PCDHA8: variants seen among roughly 807,000 people sequenced by gnomAD.
PCDHA8 encodes protocadherin alpha-8.
Under a neutral mutation model 61.8 loss-of-function variants are expected in PCDHA8, and 53 were observed. The ratio of observed to expected loss-of-function variants is 0.86; its 90% CI spans 0.69 to 1.08. The LOEUF is 1.08. PCDHA8 is among the 50% of genes least tolerant of loss of function. PCDHA8 has a pLI of 0.00. For synonymous variants in PCDHA8, 618 were observed against 556.6 expected (o/e 1.11, Z -1.55); for missense variants, 1,293 against 1,245.0 (o/e 1.04, Z -0.58).
rs2150233090 is a variant in PCDHA8 at position 140,847,186 on chromosome 5, T to C, written c.2394+3471T>C. On this transcript the variant is annotated intron_variant, in intron 1 of 3. Transcript: ENST00000531613. ...TAATAAACTAAAGGGCCATGAGTGA[T>C]TAAGGAATTTGGCCACTCTTTAGAA... Among the ~76,000 whole-genome samples, 2 of 149,618 alleles carry C rather than the reference T, an allele frequency of 1.3e-5. 1 individual carries two copies. Among genetic ancestry groups the C allele is most frequent in the African/African-American group, 4.9e-5 (2 of 40,934 alleles).
Position 140,841,579 on chromosome 5 carries a change from G to T in PCDHA8, c.258G>T (p.Val86=). 6.2e-7 allele frequency: 1 copy of T among 1,614,044 alleles called. No homozygotes were observed. Among genetic ancestry groups the T allele is most frequent in the South Asian group, 1.1e-5 (1 of 91,070 alleles). ...EVSLQNGILF[V]NSRIDREELC... ...GTCTGCAGAATGGCATTTTGTTTGTGAATTCTCGGATCGACCGCGAGGAGC... is the reference window on the plus strand; with the variant it reads ...GTCTGCAGAATGGCATTTTGTTTGTTAATTCTCGGATCGACCGCGAGGAGC... Residue 86 remains valine (V), a synonymous_variant, in exon 1 of 4, where the codon GTG becomes GTT. Coordinates refer to ENST00000531613, the MANE Select transcript of PCDHA8 (RefSeq NM_018911.3).
In PCDHA8 at chr5:140,841,564, T is replaced by C. The variant is rs2150318261; in HGVS notation, c.243T>C (p.Asn81=). ...HRDLLEVSLQ[N]GILFVNSRID... is the part of the protein sequence containing the mutation. ...ACCTTCTGGAGGTAAGTCTGCAGAA[T>C]GGCATTTTGTTTGTGAATTCTCGGA... Residue 81 remains asparagine (N), a synonymous_variant, in exon 1 of 4, where the codon AAT becomes AAC. Transcript: ENST00000531613. The C allele has an allele frequency of 1.2e-6, 2 of 1,613,882 alleles. No individual in the cohort carries two copies. The highest frequency in any genetic ancestry group is 1.1e-5 in the South Asian group (1 of 91,062).
chr5:140,859,473 G>T (rs1486992699), intron 1 of PCDHA8: 1 of 209,794 alleles, frequency 4.8e-6, no homozygotes, highest in Non-Finnish European at 9.3e-6. Context: ...ACTATCAATT[G>T]TGTTTTCCTG....
chr5:141,000,616 C>A (rs1227863226), intron 3 of PCDHA8, among the ~76,000 whole-genome samples: 1 of 150,774 alleles, frequency 6.6e-6, no homozygotes, highest in African/African-American at 2.4e-5. Context: ...TTAGTAGAGA[C>A]AGGGTTTCAC....
At chr5:140,869,140 C>A in intron 1 of PCDHA8, 8 of 1,613,188 alleles carry the variant, frequency 5.0e-6, no homozygotes, top group African/African-American at 1.3e-5. Context: ...GGGCACCCCA[C>A]GACTACAGCT....
At chr5:140,932,946 G>A (rs1554209125) in intron 1 of PCDHA8, among the ~76,000 whole-genome samples, 1 of 151,982 alleles carries the variant, frequency 6.6e-6, no homozygotes, top group East Asian at 1.9e-4. Flanking sequence ...TGGAATGAAG[G>A]TGGACTAAAT....
chr5:140,911,792 T>C (rs1429471693), intron 1 of PCDHA8, among the ~76,000 whole-genome samples: 1 of 152,190 alleles, frequency 6.6e-6, no homozygotes, highest in Non-Finnish European at 1.5e-5. Context: ...TTTTTGGGTC[T>C]AATCATATTA....
chr5:140,859,512 T>A, intron 1 of PCDHA8: 1 of 196,766 alleles, frequency 5.1e-6, no homozygotes, highest in South Asian at 1.4e-4. Context: ...TACCCATGAT[T>A]TCATTTTTAA....
At chr5:140,858,550 C>G (rs1554151768) in intron 1 of PCDHA8, 1 of 1,392,416 alleles carries the variant, frequency 7.2e-7, no homozygotes, top group Non-Finnish European at 9.9e-7. Context: ...TCCATTTATG[C>G]TTGAATATTT....
chr5:140,925,836 C>G (rs2082758211), intron 1 of PCDHA8, among the ~76,000 whole-genome samples: 1 of 152,104 alleles, frequency 6.6e-6, no homozygotes, highest in African/African-American at 2.4e-5. Context: ...GACGGGTCGT[C>G]AAGTCTTTGA....
At chr5:140,883,675 G>T (rs782140381) in intron 1 of PCDHA8, 5 of 1,613,894 alleles carry the variant, frequency 3.1e-6, no homozygotes, top group Non-Finnish European at 4.2e-6. Context: ...AAAACAATCC[G>T]CCGGGCTGCC....
chr5:140,960,253 G>A (rs1554224599), intron 1 of PCDHA8, among the ~76,000 whole-genome samples: 1 of 152,178 alleles, frequency 6.6e-6, no homozygotes, highest in African/African-American at 2.4e-5. Context: ...GCTTCCTGGA[G>A]CTTCTGATAA....
chr5:140,869,748 A>G, intron 1 of PCDHA8: 1 of 1,613,334 alleles, frequency 6.2e-7, no homozygotes, highest in Admixed American at 1.7e-5. Flanking sequence ...TAACAGCTAC[A>G]GACGGGGGAA....
rs2150427952 is a variant in PCDHA8 at position 140,848,985 on chromosome 5, G to A, written c.2394+5270G>A. On this transcript the variant is annotated intron_variant, in intron 1 of 3. Transcript: ENST00000531613. ...GGGCGCGTCCGATGCAGATATCGGG[G>A]AGAACGCCCTGCTCACTTACAGACT... is the stretch of plus-strand genomic sequence containing the variant. 9 of 1,598,558 alleles carry A rather than the reference G, an allele frequency of 5.6e-6. 1 individual carries two copies. The highest frequency in any genetic ancestry group is 6.0e-6 in the Non-Finnish European group (7 of 1,170,226).
intron 1 of PCDHA8, chr5:140,969,442 T>G (rs1554231813): frequency 1.6e-5 from 25 of 1,543,830 alleles, no homozygotes; most frequent in Non-Finnish European, 2.2e-5. Flanking sequence ...AGTTATCTGG[T>G]AAACTGAGTA....
At chr5:140,910,067 G>C (rs868941459) in intron 1 of PCDHA8, among the ~76,000 whole-genome samples, 1 of 152,194 alleles carries the variant, frequency 6.6e-6, no homozygotes, top group Non-Finnish European at 1.5e-5. Flanking sequence ...TTTTAACAGC[G>C]TAAATTGTTG....
intron 1 of PCDHA8, chr5:140,870,462 G>C: frequency 1.2e-6 from 2 of 1,614,196 alleles, no homozygotes; most frequent in Non-Finnish European, 1.7e-6. Flanking sequence ...ATGCGCCTGC[G>C]TTCGCACAGC....
chr5:140,844,580 A>G (rs1473112365), intron 1 of PCDHA8, among the ~76,000 whole-genome samples: 3 of 149,602 alleles, frequency 2.0e-5, no homozygotes, highest in African/African-American at 7.3e-5. Flanking sequence ...ATTCCACATT[A>G]AAGTGATATT....
rs549755742 is a variant in PCDHA8 at position 140,943,684 on chromosome 5, T to C, written c.2395-35265T>C. ...ATGTATAAAGTGTGAAAAAAAGGGA[T>C]AAGGTCAAAATATTGTGGAACACAT... On this transcript the variant is annotated intron_variant, in intron 1 of 3. Transcript: ENST00000531613. Among the ~76,000 whole-genome samples, 254 of 152,102 alleles carry C rather than the reference T, an allele frequency of 1.7e-3. 2 individuals carry two copies. The highest frequency in any genetic ancestry group is 2.9e-4 in the Non-Finnish European group (20 of 67,984).
Sources: gnomAD v4.1 joint callset for allele counts (sites outside exome capture counted in the v4.1 genomes callset) on GRCh38, gnomAD v4.1.1 for gene constraint, MANE v1.5 for transcripts, NCBI Gene and HGNC (gene_info 2026-07-23, HGNC 2026-07-21) for gene names.